Variants in TBL1XR1 observed in about 807,000 individuals in gnomAD.
TBL1XR1 encodes the protein F-box-like/WD repeat-containing protein TBL1XR1.
In TBL1XR1, 5 loss-of-function variants were observed where a neutral mutation model predicts 66.9. The observed-to-expected ratio is 0.07, with a 90% confidence interval of 0.04 to 0.16. The LOEUF (loss-of-function observed/expected upper bound fraction) is 0.16, where lower values mean the gene tolerates loss of function less well. TBL1XR1 is among the 10% of genes least tolerant of loss of function. TBL1XR1 has a pLI of 1.00. For synonymous variants in TBL1XR1, 210 were observed against 206.0 expected, an observed-to-expected ratio of 1.02 and a Z score of -0.17; for missense variants, 238 against 623.2, an observed-to-expected ratio of 0.38 and a Z score of 6.58.
chr3:177,098,141 G>A (rs1034557139), intron 2 of TBL1XR1, among the ~76,000 whole-genome samples: 3 of 152,058 alleles, frequency 2.0e-5, no homozygotes, highest in African/African-American at 2.4e-5. Flanking sequence ...CCTGGGAGGC[G>A]GAGGAGGTTG....
At chr3:177,113,928 A>T (rs1395481819) in intron 1 of TBL1XR1, among the ~76,000 whole-genome samples, 1 of 152,310 alleles carries the variant, frequency 6.6e-6, no homozygotes, top group South Asian at 2.1e-4. Flanking sequence ...ACTGAAAATA[A>T]TATGAAGGTT....
At chr3:177,163,877 C>A (rs76822729) in intron 1 of TBL1XR1, 1 of 152,096 alleles carries the variant, frequency 6.6e-6, no homozygotes, top group Non-Finnish European at 1.5e-5. Flanking sequence ...CACATAAATA[C>A]GCAAAATGTA....
chr3:177,176,200 GTT>G (rs149902384), intron 1 of TBL1XR1, among the ~76,000 whole-genome samples: 3,407 of 151,792 alleles, frequency 0.022, 139 homozygotes, highest in African/African-American at 0.079. Flanking sequence ...TAATTTTCTT[GTT>G]TTTTGTTTTT....
intron 1 of TBL1XR1, among the ~76,000 whole-genome samples, chr3:177,169,585 T>C (rs1366643835): frequency 6.6e-6 from 1 of 152,248 alleles, no homozygotes; most frequent in Non-Finnish European, 1.5e-5. Flanking sequence ...ACCACTGTTA[T>C]AACTGAAGCT....
At chr3:177,128,623 G>A (rs183430312) in intron 1 of TBL1XR1, among the ~76,000 whole-genome samples, 23 of 152,198 alleles carry the variant, frequency 1.5e-4, no homozygotes, top group African/African-American at 4.6e-4. Flanking sequence ...ATCTGCCCCC[G>A]TCGTCCTCCG....
chr3:177,046,726 T>C (rs137868268), intron 9 of TBL1XR1, among the ~76,000 whole-genome samples: 156 of 152,126 alleles, frequency 1.0e-3, no homozygotes, highest in African/African-American at 3.7e-3. Flanking sequence ...GCCACTTTTT[T>C]TATTGCTCTC....
chr3:177,073,805 G>A (rs1221285436), intron 2 of TBL1XR1, among the ~76,000 whole-genome samples: 2 of 152,132 alleles, frequency 1.3e-5, no homozygotes, highest in Admixed American at 6.5e-5. Context: ...CACTGCTCCC[G>A]CAACACACTG....
chr3:177,145,353 G>A (rs933699221), intron 1 of TBL1XR1, among the ~76,000 whole-genome samples: 8 of 152,006 alleles, frequency 5.3e-5, no homozygotes, highest in African/African-American at 1.5e-4. Flanking sequence ...TTCAGTGACT[G>A]TATATCTGGC....
chr3:177,126,815 CAAA>C (rs10559049), intron 1 of TBL1XR1, among the ~76,000 whole-genome samples: 3,745 of 148,196 alleles, frequency 0.025, 156 homozygotes, highest in African/African-American at 0.08. Flanking sequence ...CATTTTCAGC[CAAA>C]AAAAAAAAAA....
chr3:177,040,762 T>C (rs1334594636), intron 10 of TBL1XR1, among the ~76,000 whole-genome samples: 1 of 152,114 alleles, frequency 6.6e-6, no homozygotes, highest in East Asian at 1.9e-4. Flanking sequence ...AGAAGCGAAT[T>C]GTAGTAATAT....
At chr3:177,090,742 C>T (rs555892525) in intron 2 of TBL1XR1, among the ~76,000 whole-genome samples, 4 of 152,106 alleles carry the variant, frequency 2.6e-5, no homozygotes, top group South Asian at 2.1e-4. Flanking sequence ...AGAATTGAGG[C>T]GGAGGTTGCA....
chr3:177,050,129 G>A lies in TBL1XR1; in HGVS notation c.570C>T (p.Asp190=). The A allele has an allele frequency of 6.2e-7, 1 of 1,613,240 alleles. No individual in the cohort carries two copies. The highest frequency in any genetic ancestry group is 8.5e-7 in the Non-Finnish European group (1 of 1,179,720). ...TAAGATTCCATATTCTTGCTGTTGA[G>A]TCTCCAGACCTATAAAAGTATGCAA... ...VSDLLASGSG[D]STARIWNLSE... is the part of the protein sequence containing the mutation. Residue 190 remains aspartate, a synonymous_variant, in exon 7 of 16, where the codon GAC becomes GAT. Coordinates refer to ENST00000457928, the MANE Select transcript of TBL1XR1 (RefSeq NM_024665.7).
intron 1 of TBL1XR1, among the ~76,000 whole-genome samples, chr3:177,113,737 T>C (rs141206654): frequency 2.4e-4 from 36 of 152,184 alleles, no homozygotes; most frequent in African/African-American, 8.7e-4. Flanking sequence ...TCAAAAGACA[T>C]GCAAATATCA....
At chr3:177,032,545 A>G (rs1325964758) in intron 14 of TBL1XR1, 1 of 152,886 alleles carries the variant, frequency 6.5e-6, no homozygotes, top group Non-Finnish European at 1.5e-5. Context: ...AACACCATAC[A>G]TACTACCTGA....
intron 1 of TBL1XR1, among the ~76,000 whole-genome samples, chr3:177,128,415 C>T (rs556277427): frequency 3.3e-5 from 5 of 152,234 alleles, no homozygotes; most frequent in Non-Finnish European, 7.4e-5. Context: ...TCTCTGTCAT[C>T]CAGGCTGGAG....
rs988193963 is a variant in TBL1XR1 at position 177,108,275 on chromosome 3, T to C, written c.-121-9734A>G. On this transcript the variant is annotated intron_variant, in intron 1 of 15. Coordinates refer to ENST00000457928, the MANE Select transcript of TBL1XR1 (RefSeq NM_024665.7). Reference sequence around the variant, plus strand: ...GGAAATTTTCTAAGGAATTCAAACATAGTATCTTATGTGGCCCTATATATA... The same window carrying C: ...GGAAATTTTCTAAGGAATTCAAACACAGTATCTTATGTGGCCCTATATATA... Among the ~76,000 whole-genome samples, 9 of 152,332 alleles carry C rather than the reference T, an allele frequency of 5.9e-5. No homozygotes were observed. The East Asian group carries it at 1.5e-3, about 26-fold the overall frequency.
chr3:177,150,619 T>G (rs759186917), intron 1 of TBL1XR1, among the ~76,000 whole-genome samples: 1 of 152,228 alleles, frequency 6.6e-6, no homozygotes, highest in African/African-American at 2.4e-5. Flanking sequence ...TTTGATGTTG[T>G]AGAATGTTTC....
chr3:177,112,095 ATATATATATATATTTTT>A lies in TBL1XR1; in HGVS notation c.-121-13571_-121-13555del, dbSNP rs1417620371. On this transcript the variant is annotated intron_variant, in intron 1 of 15. Transcript: ENST00000457928. ...ATCAAATATATATATATATATATAT[ATATATATATATATTTTT>A]TTTTTTTTTTTTTGTGAGGGGCTCT... 1.1e-3 allele frequency among the ~76,000 whole-genome samples: 51 copies of A among 48,062 alleles called. 1 individual carries two copies. The highest frequency in any genetic ancestry group is 6.5e-3 in the African/African-American group (47 of 7,180). The allele number at this position is 48,062 out of a possible 152,430, so 31.5% of individuals were successfully genotyped here.
intron 4 of TBL1XR1, 101 bp downstream of exon 4, chr3:177,053,672 T>C: frequency 8.4e-7 from 1 of 1,197,492 alleles, no homozygotes; most frequent in Non-Finnish European, 1.2e-6. Context: ...TTGTTAACCC[T>C]GTGAAGCTAA....
Sources: allele counts gnomAD v4.1 joint callset (sites outside exome capture counted in the v4.1 genomes callset), GRCh38; gene constraint gnomAD v4.1.1; transcripts MANE v1.5; gene names NCBI Gene and HGNC (gene_info 2026-07-23, HGNC 2026-07-21).